SGK1: variants seen among roughly 807,000 people sequenced by gnomAD.
The protein encoded by SGK1 is serine/threonine-protein kinase Sgk1.
A neutral mutation model predicts 64.2 loss-of-function variants in SGK1; 26 were observed. That is an observed-to-expected ratio of 0.40 (90% confidence interval 0.30 to 0.56). The LOEUF (loss-of-function observed/expected upper bound fraction) is 0.56, where lower values mean the gene tolerates loss of function less well. Among genes scored for constraint, SGK1 ranks in the 20% least tolerant of loss-of-function variants. The probability of loss-of-function intolerance (pLI) is 0.38; values close to 1 mark genes in which losing one functional copy is unlikely to be tolerated. For synonymous variants in SGK1, 265 were observed against 239.7 expected (o/e 1.11, Z -0.98); for missense variants, 519 against 645.6 (o/e 0.80, Z 2.12).
rs78369215 is a variant in SGK1, at chr6:134,174,837, G to C, written c.362-251C>G. ...ACCGCGGGGAGACAGAAAGACGTTAGCGCTCAAAGACCGGCTCGGCGTATG... is the reference window on the plus strand; with the variant it reads ...ACCGCGGGGAGACAGAAAGACGTTACCGCTCAAAGACCGGCTCGGCGTATG... On this transcript the variant is annotated intron_variant, in intron 3 of 13. Transcript: ENST00000367858. The C allele has an allele frequency of 8.1e-6, 13 of 1,613,560 alleles. No individual in the cohort carries two copies. In the Admixed American group the frequency reaches 1.8e-4, roughly 23 times the overall value.
At chr6:134,298,370 G>A (rs1372893623) in intron 1 of SGK1, 57 of 1,512,158 alleles carry the variant, frequency 3.8e-5, no homozygotes, top group African/African-American at 2.7e-4. Context: ...TCCAGGAACC[G>A]TACCTTGCCT....
chr6:134,191,462 C>G (rs1775507604), intron 3 of SGK1, among the ~76,000 whole-genome samples: 1 of 152,136 alleles, frequency 6.6e-6, no homozygotes, highest in Non-Finnish European at 1.5e-5. Context: ...GATCAAATAT[C>G]CTCATGAAGG....
intron 1 of SGK1, among the ~76,000 whole-genome samples, chr6:134,262,603 T>C (rs1264113715): frequency 1.3e-5 from 2 of 151,872 alleles, no homozygotes; most frequent in African/African-American, 4.8e-5. Flanking sequence ...TCTCAGCTGC[T>C]TGGGAGAATC....
chr6:134,220,223 T>C (rs1454914374), intron 2 of SGK1, among the ~76,000 whole-genome samples: 1 of 152,148 alleles, frequency 6.6e-6, no homozygotes, highest in Non-Finnish European at 1.5e-5. Context: ...CATTGATTTG[T>C]AGGAGTCAAA....
intron 2 of SGK1, among the ~76,000 whole-genome samples, chr6:134,232,425 A>AAGAGAGAGAGAGAGAGAGAG (rs71003683): frequency 1.2e-4 from 5 of 42,044 alleles, no homozygotes; most frequent in African/African-American, 4.5e-4. Context: ...GAAAGAAAGA[A>AAGAGAGAGAGAGAGAGAGAG]AGAAAGAAAG....
chr6:134,185,664 G>A (rs1775411309), intron 3 of SGK1, among the ~76,000 whole-genome samples: 1 of 151,816 alleles, frequency 6.6e-6, no homozygotes. Context: ...GAAAGAGAAA[G>A]AGAAGAGAGG....
chr6:134,265,903 A>C (rs1776848118), intron 1 of SGK1, among the ~76,000 whole-genome samples: 1 of 151,822 alleles, frequency 6.6e-6, no homozygotes, highest in South Asian at 2.1e-4. Context: ...TCAGCCTCCC[A>C]AAATGCTGGG....
chr6:134,193,462 G>C (rs1775546832), intron 3 of SGK1, among the ~76,000 whole-genome samples: 1 of 151,802 alleles, frequency 6.6e-6, no homozygotes, highest in African/African-American at 2.4e-5. Flanking sequence ...TCTTGCCCAG[G>C]TGATCTCATC....
chr6:134,296,861 C>A, intron 1 of SGK1: 1 of 192,832 alleles, frequency 5.2e-6, no homozygotes, highest in Non-Finnish European at 1.1e-5. Context: ...GTAAACTTCC[C>A]CGCACGTGGG....
chr6:134,229,534 G>A (rs571460881), intron 2 of SGK1, among the ~76,000 whole-genome samples: 31 of 152,222 alleles, frequency 2.0e-4, no homozygotes, highest in South Asian at 8.3e-4. Flanking sequence ...GGAAATGAAT[G>A]AATATATTTT....
intron 2 of SGK1, among the ~76,000 whole-genome samples, chr6:134,258,987 CA>C (rs1010853922): frequency 2.0e-5 from 3 of 149,420 alleles, no homozygotes; most frequent in Non-Finnish European, 4.5e-5. Context: ...AACCTTGTCT[CA>C]AAAAAAAAGT....
At chr6:134,232,421 A>AAGAGAGAGAGAGAG (rs762251415) in intron 2 of SGK1, among the ~76,000 whole-genome samples, 1,159 of 44,478 alleles carry the variant, frequency 0.026, 107 homozygotes, top group Middle Eastern at 0.041. Context: ...AAGAGAAAGA[A>AAGAGAGAGAGAGAG]AGAAAGAAAG....
chr6:134,170,138 G>C lies in SGK1; in HGVS notation c.*130C>G. ...GCTTCCAGCGAACAGTGTGCAATAA[G>C]ATTGCTAAGCTTCCAGAGATGTGCA... is the stretch of plus-strand genomic sequence containing the variant. On this transcript the variant is annotated 3_prime_UTR_variant, in exon 14 of 14. Coordinates refer to ENST00000367858, the MANE Select transcript of SGK1 (RefSeq NM_001143676.3). The C allele has an allele frequency of 1.4e-6, 1 of 727,960 alleles. No individual in the cohort carries two copies. Among genetic ancestry groups the C allele is most frequent in the Non-Finnish European group, 2.2e-6 (1 of 446,374 alleles). 45.1% of individuals were successfully genotyped at this position (727,960 alleles called of 1,614,324 possible). A position where few individuals can be genotyped will look rare whatever the true frequency, so the allele number is the denominator to read the frequency against.
intron 2 of SGK1, among the ~76,000 whole-genome samples, chr6:134,226,331 C>T (rs1261298832): frequency 2.6e-5 from 4 of 151,256 alleles, no homozygotes; most frequent in Admixed American, 1.3e-4. Context: ...AATGCTGAAT[C>T]CTGCCCCCCC....
At chr6:134,177,011 C>T (rs568878428) in intron 3 of SGK1, among the ~76,000 whole-genome samples, 145 of 152,286 alleles carry the variant, frequency 9.5e-4, no homozygotes, top group African/African-American at 3.4e-3. Flanking sequence ...GTCAAGAGAT[C>T]GAGACCATCC....
intron 3 of SGK1, 133 bp from the exon 4 acceptor site, chr6:134,174,719 T>G: frequency 1.2e-6 from 2 of 1,614,098 alleles, no homozygotes; most frequent in East Asian, 4.5e-5. Context: ...TCCCGCAAGA[T>G]TCCTGCACTC....
At chr6:134,232,457 AAGAAAGAAAGAAAGAAAGAAAGAAAG>A (rs1231433295) in intron 2 of SGK1, among the ~76,000 whole-genome samples, 6 of 60,684 alleles carry the variant, frequency 9.9e-5, no homozygotes, top group African/African-American at 3.1e-4. Flanking sequence ...GAAAGAAAGA[AAGAAAGAAAGAAAGAAAGAAAGAAAG>A]AGAAAGAAAA....
intron 2 of SGK1, among the ~76,000 whole-genome samples, chr6:134,212,188 G>T (rs1215794658): frequency 6.6e-6 from 1 of 151,840 alleles, no homozygotes; most frequent in Non-Finnish European, 1.5e-5. Context: ...CGAGTAGCTG[G>T]GACTACAGGC....
Position 134,207,374 on chromosome 6 carries a change from A to C in SGK1, c.343T>G (p.Trp115Gly). The C allele has an allele frequency of 1.2e-6, 2 of 1,610,358 alleles. No individual in the cohort carries two copies. Among genetic ancestry groups the C allele is most frequent in the Non-Finnish European group, 1.7e-6 (2 of 1,176,696 alleles). Residue 115 changes from tryptophan (W) to glycine (G), a missense_variant, in exon 3 of 14, where the codon TGG (tryptophan) becomes GGG (glycine). Transcript: ENST00000367858. ...ATAATACCTGGATCATCATTAGTCC[A>C]GAAGGTTCTTGGATCGGGCTTGGTC... ...ILTKPDPRTF[W>G]TNDDPAFMKQ...
Sources: allele counts gnomAD v4.1 joint callset (sites outside exome capture counted in the v4.1 genomes callset), GRCh38; gene constraint gnomAD v4.1.1; transcripts MANE v1.5; gene names NCBI Gene and HGNC (gene_info 2026-07-23, HGNC 2026-07-21).